The following SMCHD1 variants were observed in gnomAD, a reference collection of about 807,000 sequenced individuals.
SMCHD1 encodes the protein structural maintenance of chromosomes flexible hinge domain-containing protein 1.
A neutral mutation model predicts 254.7 loss-of-function variants in SMCHD1; 78 were observed. The ratio of observed to expected loss-of-function variants is 0.31; its 90% CI spans 0.26 to 0.37. The LOEUF (loss-of-function observed/expected upper bound fraction) is 0.37. SMCHD1 is among the 10% of genes least tolerant of loss of function. The pLI is 1.00. For missense variants in SMCHD1, 1,840 were observed against 2,408.1 expected (o/e 0.76, Z 4.94); for synonymous variants, 766 against 794.9 (o/e 0.96, Z 0.61).
chr18:2,743,116 C>T lies in SMCHD1; in HGVS notation c.3634-645C>T, dbSNP rs183609345. ...ATTAAAATACAAATACTGCAGCACT[C>T]ACGCCAGTGTGGAATCATTCAGTCA... On this transcript the variant is annotated intron_variant, in intron 28 of 47. Coordinates refer to ENST00000320876, the MANE Select transcript of SMCHD1 (RefSeq NM_015295.3). 3.7e-4 allele frequency among the ~76,000 whole-genome samples: 56 copies of T among 152,282 alleles called. No individual in the cohort carries two copies. The East Asian group carries it at 0.01, about 28-fold the overall frequency.
In SMCHD1 at chr18:2,771,538, G is replaced by A; in HGVS notation, c.4972G>A (p.Val1658Ile). The A allele has an allele frequency of 1.3e-6, 2 of 1,560,662 alleles. No individual in the cohort carries two copies. The highest frequency in any genetic ancestry group is 1.7e-6 in the Non-Finnish European group (2 of 1,165,162). ...TTTTTGGTTTTTTATTTTAGGTCAA[G>A]TTGAAGAAGCAAGATTAAAAGAGGC... ...QQLLNEMKCQ[V>I]EEARLKEAQL... is the part of the protein sequence containing the mutation. The change falls in exon 40 of 48, where the codon GTT becomes ATT. Residue 1658 changes from valine (V) to isoleucine (I), a missense_variant. Transcript: ENST00000320876.
intron 45 of SMCHD1, among the ~76,000 whole-genome samples, chr18:2,793,581 C>T (rs1181008890): frequency 6.2e-5 from 9 of 146,172 alleles, no homozygotes; most frequent in Non-Finnish European, 1.2e-4. Context: ...AGGAGAATGG[C>T]GTGAACCCGG....
chr18:2,774,353 CCTTT>C (rs1439311064), intron 41 of SMCHD1, among the ~76,000 whole-genome samples: 1 of 152,066 alleles, frequency 6.6e-6, no homozygotes, highest in African/African-American at 2.4e-5. Flanking sequence ...CATTTTCTTA[CCTTT>C]CTTCCACTAA....
At chr18:2,706,918 C>T (rs1249951734) in intron 15 of SMCHD1, among the ~76,000 whole-genome samples, 1 of 152,086 alleles carries the variant, frequency 6.6e-6, no homozygotes, top group Non-Finnish European at 1.5e-5. Flanking sequence ...ATAATCATGG[C>T]ATAAGGCGAA....
chr18:2,703,806 C>G lies in SMCHD1; in HGVS notation c.1762C>G (p.Leu588Val). Residue 588 changes from leucine (L) to valine (V), a missense_variant, in exon 13 of 48, where the codon CTT becomes GTT. Around this residue, in one of 9 missense-constraint regions of SMCHD1, gnomAD observed 498 missense variants for 743.5 expected, o/e 0.67. Coordinates refer to ENST00000320876, the MANE Select transcript of SMCHD1 (RefSeq NM_015295.3). ...LFKGVITRPD[L>V]PSKKQGPWAT... Reference sequence around the variant, plus strand: ...TAAGGGAGTAATTACACGTCCTGATCTTCCTTCTAAAAAGCAAGGTCCCTG... The same window carrying G: ...TAAGGGAGTAATTACACGTCCTGATGTTCCTTCTAAAAAGCAAGGTCCCTG... The G allele has an allele frequency of 6.2e-7, 1 of 1,612,964 alleles. No homozygotes were observed. The highest frequency in any genetic ancestry group is 8.5e-7 in the Non-Finnish European group (1 of 1,179,256).
intron 19 of SMCHD1, among the ~76,000 whole-genome samples, chr18:2,721,807 C>T (rs539104080): frequency 5.3e-5 from 8 of 152,300 alleles, no homozygotes; most frequent in African/African-American, 1.9e-4. Context: ...AATGCTTGTT[C>T]ATTTACTATG....
intron 17 of SMCHD1, among the ~76,000 whole-genome samples, chr18:2,717,484 G>A (rs568245323): frequency 2.0e-5 from 3 of 152,172 alleles, no homozygotes; most frequent in South Asian, 2.1e-4. Context: ...CTGCTTAGCC[G>A]GACCATGCCT....
intron 1 of SMCHD1, among the ~76,000 whole-genome samples, chr18:2,656,745 G>A (rs2143735657): frequency 6.6e-6 from 1 of 152,336 alleles, no homozygotes; most frequent in African/African-American, 2.4e-5. Flanking sequence ...AGATGATGCG[G>A]GGTGTCCCCG....
At chr18:2,679,487 A>AAAAAAAAAAAAAAAAAAAAG (rs2073874084) in intron 5 of SMCHD1, among the ~76,000 whole-genome samples, 1 of 149,200 alleles carries the variant, frequency 6.7e-6, no homozygotes, top group South Asian at 2.1e-4. Context: ...CTCCAAAAAA[A>AAAAAAAAAAAAAAAAAAAAG]AAAAAAAAAA....
Position 2,700,717 on chromosome 18 carries a change from C to A in SMCHD1, c.1464-18C>A. Reference sequence around the variant, plus strand: ...ACAACTTAATTCTTTTACTAACTAACATTTTGTTCTGTTCAAGCTTTGACT... The same window carrying A: ...ACAACTTAATTCTTTTACTAACTAAAATTTTGTTCTGTTCAAGCTTTGACT... On this transcript the variant is annotated intron_variant, in intron 11 of 47. Transcript: ENST00000320876. The A allele has an allele frequency of 1.2e-6, 2 of 1,606,082 alleles. No individual in the cohort carries two copies. Among genetic ancestry groups the A allele is most frequent in the Non-Finnish European group, 1.7e-6 (2 of 1,176,314 alleles).
At chr18:2,783,030 A>G (rs1254302021) in intron 44 of SMCHD1, among the ~76,000 whole-genome samples, 1 of 152,176 alleles carries the variant, frequency 6.6e-6, no homozygotes, top group Non-Finnish European at 1.5e-5. Flanking sequence ...TTGTATTTAT[A>G]TAATTCAGAG....
intron 37 of SMCHD1, among the ~76,000 whole-genome samples, chr18:2,765,625 C>T (rs2075853028): frequency 6.6e-6 from 1 of 152,168 alleles, no homozygotes; most frequent in Non-Finnish European, 1.5e-5. Flanking sequence ...AAAGATCTGT[C>T]AACACTGGGT....
chr18:2,671,982 C>T (rs982073671), intron 3 of SMCHD1, among the ~76,000 whole-genome samples: 3 of 152,104 alleles, frequency 2.0e-5, no homozygotes, highest in Non-Finnish European at 4.4e-5. Flanking sequence ...TCTTTTTCCC[C>T]TCTTCTTTTT....
intron 9 of SMCHD1, 196 bp downstream of exon 9, chr18:2,697,318 G>A (rs1160485528): frequency 2.5e-5 from 10 of 396,524 alleles, no homozygotes; most frequent in Non-Finnish European, 4.6e-6. Flanking sequence ...TTTATTTACT[G>A]TAGGCTTGGT....
chr18:2,719,886 G>T (rs2074887826), intron 19 of SMCHD1, among the ~76,000 whole-genome samples: 1 of 152,136 alleles, frequency 6.6e-6, no homozygotes. Flanking sequence ...TGTTGGTGAG[G>T]CTGGTCTTGA....
At chr18:2,767,162 G>A (rs762027186) in intron 37 of SMCHD1, among the ~76,000 whole-genome samples, 2 of 151,920 alleles carry the variant, frequency 1.3e-5, no homozygotes, top group Non-Finnish European at 2.9e-5. Context: ...GGCAGCTGAG[G>A]TGGGAAGATA....
intron 5 of SMCHD1, among the ~76,000 whole-genome samples, chr18:2,681,567 T>C (rs1215872222): frequency 7.5e-6 from 1 of 133,414 alleles, no homozygotes; most frequent in East Asian, 2.1e-4. Context: ...CCTGGGCGAC[T>C]GAGTGAGATC....
intron 34 of SMCHD1, among the ~76,000 whole-genome samples, chr18:2,755,246 G>C (rs2075650984): frequency 6.6e-6 from 1 of 151,932 alleles, no homozygotes; most frequent in South Asian, 2.1e-4. Flanking sequence ...GTGGAGACAG[G>C]GTCTTACTAT....
In SMCHD1 at chr18:2,718,975, C is replaced by G. The variant is rs1232020869; in HGVS notation, c.2458+541C>G. Among the ~76,000 whole-genome samples, 3 of 151,970 alleles carry G rather than the reference C, an allele frequency of 2.0e-5. No homozygotes were observed. The highest frequency in any genetic ancestry group is 7.3e-5 in the African/African-American group (3 of 41,374). On this transcript the variant is annotated intron_variant, in intron 19 of 47. Coordinates refer to ENST00000320876, the MANE Select transcript of SMCHD1 (RefSeq NM_015295.3). The surrounding 1 kb of genome is among the most constrained non-coding windows in gnomAD (Gnocchi z 4.6). Reference sequence around the variant, plus strand: ...AGTCTAAAGCTGTCCTGATTCCTGACCCTGGGCATATTGCCCCTCCTCCCC... The same window carrying G: ...AGTCTAAAGCTGTCCTGATTCCTGAGCCTGGGCATATTGCCCCTCCTCCCC...
Sources: allele counts gnomAD v4.1 joint callset (sites outside exome capture counted in the v4.1 genomes callset), GRCh38; gene constraint gnomAD v4.1.1; regional missense constraint gnomAD v4.1.1; non-coding constraint Gnocchi (gnomAD v3.1); transcripts MANE v1.5; gene names NCBI Gene and HGNC (gene_info 2026-07-23, HGNC 2026-07-21).